RAB39A: variants seen among roughly 807,000 people sequenced by gnomAD.
RAB39A encodes the protein ras-related protein Rab-39A.
Under a neutral mutation model 20.9 loss-of-function variants are expected in RAB39A, and 17 were observed. That is an observed-to-expected ratio of 0.81 (90% confidence interval 0.56 to 1.22). RAB39A has a LOEUF of 1.22. RAB39A is among the 50% of genes most tolerant of loss of function. The pLI, the probability that RAB39A is intolerant of heterozygous loss-of-function variation, is 0.00. For synonymous variants in RAB39A, 99 were observed against 103.4 expected, an observed-to-expected ratio of 0.96 and a Z score of 0.26; for missense variants, 234 against 270.5, an observed-to-expected ratio of 0.87 and a Z score of 0.95.
chr11:107,941,144 A>T lies in RAB39A; in HGVS notation c.227+12349A>T, dbSNP rs554579635. On this transcript the variant is annotated intron_variant, in intron 1 of 1. Coordinates refer to ENST00000320578, the MANE Select transcript of RAB39A (RefSeq NM_017516.3). Reference sequence around the variant, plus strand: ...GTAGCATTTTCAACATGATATTAATAGACGTAATTTGAGAAAAGGGTTTCT... The same window carrying T: ...GTAGCATTTTCAACATGATATTAATTGACGTAATTTGAGAAAAGGGTTTCT... Among the ~76,000 whole-genome samples, 11 of 152,318 alleles carry T rather than the reference A, an allele frequency of 7.2e-5. 1 individual carries two copies. The South Asian group carries it at 2.3e-3, about 32-fold the overall frequency.
At chr11:107,953,593 G>C (rs1861404318) in intron 1 of RAB39A, among the ~76,000 whole-genome samples, 1 of 152,136 alleles carries the variant, frequency 6.6e-6, no homozygotes, top group Non-Finnish European at 1.5e-5. Context: ...GGGTTTTCTA[G>C]TGAAAGCATT....
intron 1 of RAB39A, among the ~76,000 whole-genome samples, chr11:107,944,598 G>T (rs1861290922): frequency 2.0e-5 from 3 of 152,172 alleles, no homozygotes; most frequent in East Asian, 1.9e-4. Flanking sequence ...TGTTAGCCAG[G>T]CTGGTCTCGA....
At chr11:107,958,692 A>C (rs1410805986) in intron 1 of RAB39A, among the ~76,000 whole-genome samples, 1 of 151,996 alleles carries the variant, frequency 6.6e-6, no homozygotes, top group African/African-American at 2.4e-5. Flanking sequence ...TGTGTATTAC[A>C]TATACTTTGC....
chr11:107,961,641 G>GTAATA (rs1307256640), intron 1 of RAB39A, among the ~76,000 whole-genome samples: 1 of 152,076 alleles, frequency 6.6e-6, no homozygotes, highest in South Asian at 2.1e-4. Context: ...CCACAATGAT[G>GTAATA]TAATAATCTA....
At position 107,947,298 on chromosome 11, in the gene RAB39A, A is replaced by G. The variant is rs7944235; in HGVS notation, c.228-14648A>G. Among the ~76,000 whole-genome samples the G allele has an allele frequency of 4.6e-3, 694 of 151,996 alleles. 4 individuals are homozygous for G. The highest frequency in any genetic ancestry group is 0.016 in the African/African-American group (657 of 41,442). On this transcript the variant is annotated intron_variant, in intron 1 of 1. Coordinates refer to ENST00000320578, the MANE Select transcript of RAB39A (RefSeq NM_017516.3). ...GTTTTTCTGTATTTTTAGTAGAGACAGGGTTTCACCATGTTAGCCAGGATG... is the reference window on the plus strand; with the variant it reads ...GTTTTTCTGTATTTTTAGTAGAGACGGGGTTTCACCATGTTAGCCAGGATG...
chr11:107,950,857 T>C (rs1861371751), intron 1 of RAB39A, among the ~76,000 whole-genome samples: 1 of 151,898 alleles, frequency 6.6e-6, no homozygotes. Context: ...TTATATAGGA[T>C]GTCAGAATGT....
intron 1 of RAB39A, among the ~76,000 whole-genome samples, chr11:107,945,232 C>T (rs1054903912): frequency 4.0e-5 from 6 of 150,150 alleles, no homozygotes; most frequent in Non-Finnish European, 5.9e-5. Context: ...CCTGTAATCC[C>T]AGCACTCTGG....
At chr11:107,936,716 G>T (rs1861197225) in intron 1 of RAB39A, among the ~76,000 whole-genome samples, 1 of 152,082 alleles carries the variant, frequency 6.6e-6, no homozygotes, top group South Asian at 2.1e-4. Flanking sequence ...AGTAGAAAAT[G>T]ATTGGTACCA....
chr11:107,928,474 C>CG lies in RAB39A; in HGVS notation c.-92dup. 1.1e-6 allele frequency: 1 copy of CG among 928,740 alleles called. No individual in the cohort carries two copies. The highest frequency in any genetic ancestry group is 1.5e-6 in the Non-Finnish European group (1 of 684,306). The allele number at this position is 928,740 out of a possible 1,614,324, so 57.5% of individuals were successfully genotyped here. The stretch of plus-strand genomic sequence containing the variant: ...GCCGCAGGAATATGCTGGAAGGCGG[C>CG]GGGCGGGCGCCCGCGAGGTGCTGAA... On this transcript the variant is annotated 5_prime_UTR_variant, in exon 1 of 2. The change abolishes the stop of an existing upstream ORF in the 5' untranslated region. Coordinates refer to ENST00000320578, the MANE Select transcript of RAB39A (RefSeq NM_017516.3). The surrounding 1 kb of genome is among the most constrained non-coding windows in gnomAD (Gnocchi z 4.9).
At chr11:107,933,055 T>C (rs532830138) in intron 1 of RAB39A, among the ~76,000 whole-genome samples, 1 of 152,216 alleles carries the variant, frequency 6.6e-6, no homozygotes, top group Admixed American at 6.5e-5. Flanking sequence ...TTGGAAGAGC[T>C]AGGTGTATGG....
At chr11:107,950,112 G>A (rs112488182) in intron 1 of RAB39A, among the ~76,000 whole-genome samples, 33,963 of 151,604 alleles carry the variant, frequency 0.22, 4,846 homozygotes, top group South Asian at 0.39. Flanking sequence ...CCCAGGAGGC[G>A]GAACTTGCAG....
chr11:107,946,460 A>ATTT lies in RAB39A; in HGVS notation c.228-15458_228-15456dup, dbSNP rs869125579. 1.8e-3 allele frequency among the ~76,000 whole-genome samples: 29 copies of ATTT among 15,746 alleles called. 2 individuals are homozygous for ATTT. Among genetic ancestry groups the ATTT allele is most frequent in the South Asian group, 3.7e-3 (1 of 272 alleles). 10.3% of individuals were successfully genotyped at this position (15,746 alleles called of 152,430 possible). ...TGTATATATATATATATATATATATATTTTTTTTTTTTTTTTTTTTTTTTT... is the reference window on the plus strand; with the variant it reads ...TGTATATATATATATATATATATATATTTTTTTTTTTTTTTTTTTTTTTTTTTT... On this transcript the variant is annotated intron_variant, in intron 1 of 1. Coordinates refer to ENST00000320578, the MANE Select transcript of RAB39A (RefSeq NM_017516.3).
intron 1 of RAB39A, among the ~76,000 whole-genome samples, chr11:107,941,137 T>C (rs758961494): frequency 6.6e-6 from 1 of 152,200 alleles, no homozygotes; most frequent in Non-Finnish European, 1.5e-5. Flanking sequence ...TTCAACATGA[T>C]ATTAATAGAC....
intron 1 of RAB39A, among the ~76,000 whole-genome samples, chr11:107,939,105 G>T (rs574808559): frequency 6.6e-6 from 1 of 151,790 alleles, no homozygotes; most frequent in Non-Finnish European, 1.5e-5. Flanking sequence ...TTAGCTAGGC[G>T]TGGTGGCATC....
At chr11:107,935,043 TCCATGTTTTTTC>T (rs201438561) in intron 1 of RAB39A, among the ~76,000 whole-genome samples, 5,529 of 151,826 alleles carry the variant, frequency 0.036, 118 homozygotes, top group Middle Eastern at 0.13. Flanking sequence ...TGCCTGCCTC[TCCATGTTTTTTC>T]CCCTAGCTCC....
In RAB39A at chr11:107,947,108, A is replaced by AT. The variant is rs1171520701; in HGVS notation, c.228-14827dup. On this transcript the variant is annotated intron_variant, in intron 1 of 1. Transcript: ENST00000320578. ...GTGACTTAGAAAATAGAAAAAGATGATTTTTTTTTTTGAGACAGAGTCTCA... is the reference window on the plus strand; with the variant it reads ...GTGACTTAGAAAATAGAAAAAGATGATTTTTTTTTTTTGAGACAGAGTCTCA... 6.9e-4 allele frequency among the ~76,000 whole-genome samples: 101 copies of AT among 147,364 alleles called. 1 individual carries two copies. Among genetic ancestry groups the AT allele is most frequent in the East Asian group, 1.2e-3 (6 of 5,034 alleles).
intron 1 of RAB39A, among the ~76,000 whole-genome samples, chr11:107,934,444 A>G (rs1861172038): frequency 6.6e-6 from 1 of 152,088 alleles, no homozygotes; most frequent in South Asian, 2.1e-4. Flanking sequence ...TAAAAAGAGG[A>G]AAAAGAAAAT....
In RAB39A at chr11:107,961,927, T is replaced by A; in HGVS notation, c.228-19T>A. 1 of 1,583,566 alleles carries A rather than the reference T, an allele frequency of 6.3e-7. No homozygotes were observed. The highest frequency in any genetic ancestry group is 8.6e-7 in the Non-Finnish European group (1 of 1,161,434). ...GAACAAGTTGTCCTTATACAACCTTTTTTCTCTTCATTTTTCAGATCAATA... is the reference window on the plus strand; with the variant it reads ...GAACAAGTTGTCCTTATACAACCTTATTTCTCTTCATTTTTCAGATCAATA... On this transcript the variant is annotated intron_variant, in intron 1 of 1. Transcript: ENST00000320578.
rs992999792 is a variant in RAB39A at position 107,963,287 on chromosome 11, T to A, written c.*915T>A. ...GGTTTCATAATGTTCCCCAGGCTGG[T>A]CTCCAACTCCTCGCCTCAAGCAATT... On this transcript the variant is annotated 3_prime_UTR_variant, in exon 2 of 2. Coordinates refer to ENST00000320578, the MANE Select transcript of RAB39A (RefSeq NM_017516.3). 2 of 152,050 alleles carry A rather than the reference T, an allele frequency of 1.3e-5. No homozygotes were observed. The highest frequency in any genetic ancestry group is 2.9e-5 in the Non-Finnish European group (2 of 68,020). The allele number at this position is 152,050 out of a possible 1,614,324, so 9.4% of individuals were successfully genotyped here.
Sources: allele counts gnomAD v4.1 joint callset (sites outside exome capture counted in the v4.1 genomes callset), GRCh38; gene constraint gnomAD v4.1.1; non-coding constraint Gnocchi (gnomAD v3.1); transcripts MANE v1.5; gene names NCBI Gene and HGNC (gene_info 2026-07-23, HGNC 2026-07-21).